Variants in MYO16 observed in about 807,000 individuals in gnomAD.
MYO16 encodes the protein unconventional myosin-XVI.
In MYO16, 94 loss-of-function variants were observed where a neutral mutation model predicts 205.3. That is an observed-to-expected ratio of 0.46 (90% confidence interval 0.39 to 0.54). The LOEUF is 0.54. Among genes scored for constraint, MYO16 ranks in the 20% least tolerant of loss-of-function variants. The pLI is 0.00. For synonymous variants in MYO16, 988 were observed against 954.0 expected (o/e 1.04, Z -0.66); for missense variants, 2,315 against 2,387.5 (o/e 0.97, Z 0.63).
At chr13:108,854,957 C>T (rs1878090759) in intron 10 of MYO16, among the ~76,000 whole-genome samples, 1 of 152,152 alleles carries the variant, frequency 6.6e-6, no homozygotes, top group African/African-American at 2.4e-5. Context: ...CCTTTAAAAC[C>T]TGGCCTCATC....
At chr13:108,882,655 G>T (rs1207305585) in intron 12 of MYO16, among the ~76,000 whole-genome samples, 1 of 152,106 alleles carries the variant, frequency 6.6e-6, no homozygotes, top group African/African-American at 2.4e-5. Context: ...AGCTGCAACT[G>T]CCTCTCACAT....
upstream of MYO16, among the ~76,000 whole-genome samples, chr13:108,594,551 T>A (rs1279849633): frequency 6.6e-6 from 1 of 152,204 alleles, no homozygotes; most frequent in Admixed American, 6.5e-5. Flanking sequence ...CATGGCCATC[T>A]TTTAACAAAT....
chr13:108,689,252 T>C (rs985000801), intron 2 of MYO16, among the ~76,000 whole-genome samples: 1 of 152,146 alleles, frequency 6.6e-6, no homozygotes, highest in Admixed American at 6.5e-5. Context: ...TTTTGAATTT[T>C]CCAATTTTTT....
intron 16 of MYO16, among the ~76,000 whole-genome samples, chr13:108,938,647 C>T (rs889122571): frequency 1.3e-5 from 2 of 152,128 alleles, no homozygotes; most frequent in Non-Finnish European, 2.9e-5. Context: ...GAGAGGGACC[C>T]CCTGCACGAA....
At chr13:109,106,259 G>T (rs939065821) in intron 28 of MYO16, among the ~76,000 whole-genome samples, 3 of 152,170 alleles carry the variant, frequency 2.0e-5, no homozygotes, top group Non-Finnish European at 2.9e-5. Context: ...TAAGCCAGTA[G>T]TTATTAACCA....
intron 27 of MYO16, among the ~76,000 whole-genome samples, chr13:109,062,437 G>A (rs1204809344): frequency 1.3e-5 from 2 of 152,186 alleles, no homozygotes; most frequent in Admixed American, 6.6e-5. Context: ...AAAAGGAATA[G>A]TGAGGATGAG....
rs1877099491 is a variant in MYO16 at position 109,141,571 on chromosome 13, A to G, written c.5164+195A>G. 6.6e-6 allele frequency among the ~76,000 whole-genome samples: 1 copy of G among 152,234 alleles called. No homozygotes were observed. Among genetic ancestry groups the G allele is most frequent in the African/African-American group, 2.4e-5 (1 of 41,460 alleles). On this transcript the variant is annotated intron_variant, in intron 32 of 34. Coordinates refer to ENST00000457511, the MANE Select transcript of MYO16 (RefSeq NM_001198950.3). This position sits in a 1 kb window ranked among gnomAD's most constrained non-coding sequence, Gnocchi z 4.1. ...CAAATAGGTAGGAATTAATATTTCC[A>G]TATTGCAGAATATGATAGGAAAGGC...
rs10557146 is a variant in MYO16 at position 109,055,246 on chromosome 13, TACACACAC to T, written c.3130-122_3130-115del. The T allele has an allele frequency of 0.033, 22,013 of 658,472 alleles. 269 individuals are homozygous for T. The highest frequency in any genetic ancestry group is 0.041 in the Non-Finnish European group (16,088 of 394,954). The allele number at this position is 658,472 out of a possible 1,614,324, so 40.8% of individuals were successfully genotyped here. ...AATATCTTCACAAAAAAAGTAAACATACACACACACACACACACACACACACACAGAGT... is the reference window on the plus strand; with the variant it reads ...AATATCTTCACAAAAAAAGTAAACATACACACACACACACACACACAGAGT... On this transcript the variant is annotated intron_variant, in intron 26 of 34. Transcript: ENST00000457511. The surrounding 1 kb of genome is among the most constrained non-coding windows in gnomAD (Gnocchi z 5.0).
At chr13:108,830,560 T>C (rs990313967) in intron 9 of MYO16, among the ~76,000 whole-genome samples, 2 of 135,630 alleles carry the variant, frequency 1.5e-5, no homozygotes, top group African/African-American at 5.6e-5. Context: ...AATTGAACAA[T>C]GAGAACACAT....
chr13:108,929,032 A>G (rs964464526), intron 16 of MYO16, among the ~76,000 whole-genome samples: 3 of 152,224 alleles, frequency 2.0e-5, no homozygotes, highest in Non-Finnish European at 2.9e-5. Context: ...TGGTAATGAA[A>G]ACAAAAGGTA....
chr13:108,923,844 A>G (rs78856522), intron 16 of MYO16, among the ~76,000 whole-genome samples: 281 of 152,268 alleles, frequency 1.8e-3, no homozygotes, highest in Non-Finnish European at 2.9e-3. Flanking sequence ...TAGATTTTGC[A>G]TTTTACATGA....
intron 9 of MYO16, among the ~76,000 whole-genome samples, chr13:108,839,761 A>G (rs1877135743): frequency 6.6e-6 from 1 of 152,198 alleles, no homozygotes; most frequent in African/African-American, 2.4e-5. Context: ...CAGAAGATAA[A>G]GGAGAACTGA....
intron 27 of MYO16, among the ~76,000 whole-genome samples, chr13:109,090,371 C>T (rs911482439): frequency 3.3e-5 from 5 of 152,128 alleles, no homozygotes; most frequent in Non-Finnish European, 7.4e-5. Context: ...ATACGCAGGG[C>T]GGGGTCATGG....
chr13:108,594,472 C>G (rs8001244), upstream of MYO16, among the ~76,000 whole-genome samples: 41,241 of 152,058 alleles, frequency 0.27, 5,761 homozygotes, highest in Middle Eastern at 0.32. Flanking sequence ...CCTAATAAGT[C>G]TTTCTTGAAT....
intron 9 of MYO16, among the ~76,000 whole-genome samples, chr13:108,842,521 A>G (rs992281696): frequency 6.6e-6 from 1 of 152,154 alleles, no homozygotes. Flanking sequence ...GGTACTCAAC[A>G]TCAGAGAAAT....
At chr13:108,969,639 C>G (rs1883933942) in intron 20 of MYO16, among the ~76,000 whole-genome samples, 1 of 152,154 alleles carries the variant, frequency 6.6e-6, no homozygotes, top group African/African-American at 2.4e-5. Context: ...TCTGCTCATT[C>G]TTTTTAGGAA....
chr13:108,954,890 C>G (rs1214195882), intron 16 of MYO16, among the ~76,000 whole-genome samples: 2 of 152,172 alleles, frequency 1.3e-5, no homozygotes, highest in African/African-American at 4.8e-5. Context: ...CTTGCTCACC[C>G]TCCATCAGGC....
At chr13:108,565,508 T>C in the MYO16 span, among the ~76,000 whole-genome samples, 1 of 152,212 alleles carries the variant, frequency 6.6e-6, no homozygotes, top group Non-Finnish European at 1.5e-5. Context: ...ATGTAACTGA[T>C]TTTTGTATGT....
At chr13:108,589,443 G>A in the MYO16 span, among the ~76,000 whole-genome samples, 78 of 151,628 alleles carry the variant, frequency 5.1e-4, no homozygotes, top group African/African-American at 1.7e-3. Context: ...TATTTATTTC[G>A]CTCCCTACTT....
Sources: gnomAD v4.1 joint callset for allele counts (sites outside exome capture counted in the v4.1 genomes callset) on GRCh38, gnomAD v4.1.1 for gene constraint, Gnocchi (gnomAD v3.1) non-coding constraint, MANE v1.5 for transcripts, NCBI Gene and HGNC (gene_info 2026-07-23, HGNC 2026-07-21) for gene names.